TNFAIP6: variants seen among roughly 807,000 people sequenced by gnomAD.
TNFAIP6 encodes the protein tumor necrosis factor-inducible gene 6 protein.
TNFAIP6 carries 36 observed loss-of-function variants against 33.7 expected under a neutral mutation model. The observed-to-expected ratio is 1.07, with a 90% CI of 0.82 to 1.41. The LOEUF (loss-of-function observed/expected upper bound fraction) is 1.41, where lower values mean the gene tolerates loss of function less well. Among genes scored for constraint, TNFAIP6 ranks in the 40% most tolerant of loss-of-function variants. The pLI is 0.00. For missense variants in TNFAIP6, 273 were observed against 331.9 expected (o/e 0.82, Z 1.38); for synonymous variants, 113 against 112.8 (o/e 1.00, Z -0.01).
chr2:151,359,392 T>TTG (rs1684586085), intron 1 of TNFAIP6, among the ~76,000 whole-genome samples: 1 of 149,948 alleles, frequency 6.7e-6, no homozygotes, highest in Admixed American at 6.6e-5. Context: ...CATAATTTTT[T>TTG]TTTTTTTTTT....
chr2:151,360,144 C>T (rs1352241781), intron 1 of TNFAIP6, among the ~76,000 whole-genome samples: 1 of 151,896 alleles, frequency 6.6e-6, no homozygotes, highest in Non-Finnish European at 1.5e-5. Context: ...CCAAAAAAAA[C>T]ACAATTAACT....
intron 5 of TNFAIP6, among the ~76,000 whole-genome samples, chr2:151,378,512 G>T (rs1684956853): frequency 6.6e-6 from 1 of 150,642 alleles, no homozygotes; most frequent in Admixed American, 6.6e-5. Flanking sequence ...TTTTGAGACG[G>T]AGTTTTGCTC....
At chr2:151,371,986 T>G (rs1684823251) in intron 4 of TNFAIP6, 1 of 152,232 alleles carries the variant, frequency 6.6e-6, no homozygotes, top group South Asian at 2.1e-4. Flanking sequence ...AGTTGGGGAA[T>G]TAAGAACAAA....
At chr2:151,362,384 TCTG>T (rs1179657674) in intron 1 of TNFAIP6, among the ~76,000 whole-genome samples, 1 of 152,036 alleles carries the variant, frequency 6.6e-6, no homozygotes. Flanking sequence ...CAGTTTTTTC[TCTG>T]CTGTGTTTGA....
At chr2:151,369,065 T>C (rs1410986403) in intron 3 of TNFAIP6, among the ~76,000 whole-genome samples, 1 of 152,104 alleles carries the variant, frequency 6.6e-6, no homozygotes, top group African/African-American at 2.4e-5. Context: ...TGGTGGCTCA[T>C]GCCTGTAATC....
chr2:151,366,262 T>G, intron 3 of TNFAIP6, 45 bp downstream of exon 3: 2 of 1,581,198 alleles, frequency 1.3e-6, no homozygotes, highest in Non-Finnish European at 8.7e-7. Context: ...AACAGTTCCA[T>G]GCTGCTAAGA....
At chr2:151,369,877 A>ATAGTATATGCTTTTATTTTAG in intron 3 of TNFAIP6, 143 bp from the exon 4 acceptor site, 1 of 591,374 alleles carries the variant, frequency 1.7e-6, no homozygotes, top group Admixed American at 3.2e-5. Flanking sequence ...CTAAAAGCAT[A>ATAGTATATGCTTTTATTTTAG]CATAATATAC....
chr2:151,358,165 C>T (rs544965305), intron 1 of TNFAIP6, among the ~76,000 whole-genome samples: 2 of 152,164 alleles, frequency 1.3e-5, no homozygotes, highest in South Asian at 4.1e-4. Flanking sequence ...TTGGAGTCTA[C>T]GAAAATTTTA....
At chr2:151,362,644 C>T (rs898114056) in intron 1 of TNFAIP6, among the ~76,000 whole-genome samples, 2 of 151,738 alleles carry the variant, frequency 1.3e-5, no homozygotes, top group Admixed American at 6.6e-5. Flanking sequence ...GTGCCTGCCA[C>T]CACGCCTGGC....
Position 151,377,350 on chromosome 2 carries a change from T to C in TNFAIP6, c.665-2014T>C, listed in dbSNP as rs571713687. The stretch of plus-strand genomic sequence containing the variant: ...ACGCCTGGCTAATTTTTTGTATTTT[T>C]AGTAGAGACAGGGTTTCACTGTGTT... On this transcript the variant is annotated intron_variant, in intron 5 of 5. Coordinates refer to ENST00000243347, the MANE Select transcript of TNFAIP6 (RefSeq NM_007115.4). Among the ~76,000 whole-genome samples, 208 of 151,974 alleles carry C rather than the reference T, an allele frequency of 1.4e-3. 1 individual carries two copies. Among genetic ancestry groups the C allele is most frequent in the African/African-American group, 4.3e-3 (180 of 41,412 alleles).
intron 5 of TNFAIP6, among the ~76,000 whole-genome samples, chr2:151,375,212 A>G (rs1329971757): frequency 6.6e-6 from 1 of 151,572 alleles, no homozygotes; most frequent in Admixed American, 6.6e-5. Flanking sequence ...TAATCAAATC[A>G]GTGGTGGGGT....
At chr2:151,370,615 A>T (rs1335579303) in intron 4 of TNFAIP6, among the ~76,000 whole-genome samples, 1 of 152,186 alleles carries the variant, frequency 6.6e-6, no homozygotes, top group African/African-American at 2.4e-5. Flanking sequence ...TAACATACTT[A>T]TTAAAGTAGT....
At chr2:151,358,817 T>C (rs1414765474) in intron 1 of TNFAIP6, among the ~76,000 whole-genome samples, 6 of 152,146 alleles carry the variant, frequency 3.9e-5, no homozygotes, top group Non-Finnish European at 8.8e-5. Context: ...CTAATTTCAC[T>C]GTGATCCATT....
chr2:151,367,846 A>G (rs888473422), intron 3 of TNFAIP6, among the ~76,000 whole-genome samples: 3 of 151,906 alleles, frequency 2.0e-5, no homozygotes, highest in African/African-American at 7.3e-5. Flanking sequence ...TCACTGAAAC[A>G]TCACTGGAAT....
At chr2:151,375,433 G>C (rs13385932) in intron 5 of TNFAIP6, among the ~76,000 whole-genome samples, 4,188 of 152,214 alleles carry the variant, frequency 0.028, 162 homozygotes, top group African/African-American at 0.086. Flanking sequence ...CATAGGCCTG[G>C]TGTGGTGGCT....
At chr2:151,377,461 GC>G (rs1291684519) in intron 5 of TNFAIP6, among the ~76,000 whole-genome samples, 1 of 139,156 alleles carries the variant, frequency 7.2e-6, no homozygotes, top group African/African-American at 2.6e-5. Flanking sequence ...GAGCCACCGT[GC>G]CCGGCCATTT....
chr2:151,361,130 T>C lies in TNFAIP6; in HGVS notation c.95-2813T>C, dbSNP rs145878585. Among the ~76,000 whole-genome samples, 1,101 of 152,226 alleles carry C rather than the reference T, an allele frequency of 7.2e-3. 16 individuals are homozygous for C. The highest frequency in any genetic ancestry group is 0.025 in the African/African-American group (1,054 of 41,538). ...TCACTCTGTCGCCCAGGCTGGGGTG[T>C]TGTGGCATGATCTCTGCTCACTGCA... On this transcript the variant is annotated intron_variant, in intron 1 of 5. Transcript: ENST00000243347.
intron 3 of TNFAIP6, chr2:151,368,293 G>A (rs999901820): frequency 3.3e-5 from 5 of 152,748 alleles, no homozygotes; most frequent in Non-Finnish European, 4.4e-5. Flanking sequence ...GAAGTGTAGA[G>A]TAGTCACCAA....
intron 4 of TNFAIP6, among the ~76,000 whole-genome samples, chr2:151,371,669 A>G (rs1684818122): frequency 6.6e-6 from 1 of 150,788 alleles, no homozygotes; most frequent in Admixed American, 6.7e-5. Flanking sequence ...ATCTCGGCTC[A>G]CTGCAACCTC....
Sources: allele counts gnomAD v4.1 joint callset (sites outside exome capture counted in the v4.1 genomes callset), GRCh38; gene constraint gnomAD v4.1.1; transcripts MANE v1.5; gene names NCBI Gene and HGNC (gene_info 2026-07-23, HGNC 2026-07-21).